The following ADCY1 variants were observed in gnomAD, a reference collection of about 807,000 sequenced individuals.
ADCY1 encodes the protein adenylate cyclase 1, also known as adenylate cyclase type 1.
A neutral mutation model predicts 105.4 loss-of-function variants in ADCY1; 28 were observed. The observed-to-expected ratio is 0.27, with a 90% confidence interval of 0.20 to 0.36. ADCY1 has a LOEUF of 0.36. Ranked by LOEUF, ADCY1 falls within the 10% of genes least tolerant of loss-of-function variation. The pLI is 1.00. For synonymous variants in ADCY1, 655 were observed against 623.8 expected, an observed-to-expected ratio of 1.05 and a Z score of -0.75; for missense variants, 977 against 1,434.2, an observed-to-expected ratio of 0.68 and a Z score of 5.15.
At chr7:45,662,503 T>C (rs1238039482) in intron 8 of ADCY1, among the ~76,000 whole-genome samples, 1 of 152,210 alleles carries the variant, frequency 6.6e-6, no homozygotes, top group Non-Finnish European at 1.5e-5. Flanking sequence ...CTAAATGGCC[T>C]CTGAGGGTAT....
At chr7:45,602,011 G>A (rs1793252693) in intron 2 of ADCY1, among the ~76,000 whole-genome samples, 1 of 152,108 alleles carries the variant, frequency 6.6e-6, no homozygotes, top group Non-Finnish European at 1.5e-5. Context: ...TGACTGAACC[G>A]AATAGGGACG....
At chr7:45,630,678 T>C (rs943899436) in intron 4 of ADCY1, among the ~76,000 whole-genome samples, 1 of 152,218 alleles carries the variant, frequency 6.6e-6, no homozygotes, top group Non-Finnish European at 1.5e-5. Flanking sequence ...TTTCCCTTTT[T>C]CTGTATGTGT....
Position 45,703,508 on chromosome 7 carries a change from G to T in ADCY1, c.2571+16G>T, listed in dbSNP as rs1785041074. ...TCGGAACATGGTGAGCACCCAGCCT[G>T]CTCCTGGCCAGCACTAGCCCTACAC... On this transcript the variant is annotated intron_variant, in intron 15 of 19. Coordinates refer to ENST00000297323, the MANE Select transcript of ADCY1 (RefSeq NM_021116.4). The surrounding 1 kb of genome is among the most constrained non-coding windows in gnomAD (Gnocchi z 5.9). The T allele has an allele frequency of 6.2e-7, 1 of 1,613,872 alleles. No homozygotes were observed. The highest frequency in any genetic ancestry group is 1.1e-5 in the South Asian group (1 of 91,072).
intron 1 of ADCY1, among the ~76,000 whole-genome samples, chr7:45,584,220 A>T (rs960600295): frequency 5.3e-5 from 8 of 152,152 alleles, no homozygotes; most frequent in African/African-American, 1.7e-4. Context: ...CTGGGATTAC[A>T]GATGTGAGCC....
Position 45,660,081 on chromosome 7 carries a change from TGGG to T in ADCY1, c.1349_1351del (p.Gly450del). On this transcript the variant is annotated inframe_deletion, in exon 7 of 20. Transcript: ENST00000297323. ...CAAAGACGACCCTAGCGTGCTTGAA[TGGG>T]GACTACGAGGTAGAACCGGGTTACG... 1.9e-6 allele frequency: 3 copies of T among 1,614,210 alleles called. No individual in the cohort carries two copies. Among genetic ancestry groups the T allele is most frequent in the Non-Finnish European group, 2.5e-6 (3 of 1,180,032 alleles).
In ADCY1 at chr7:45,704,530, G is replaced by A. The variant is rs775517988; in HGVS notation, c.2731G>A (p.Asp911Asn). 2 of 1,614,080 alleles carry A rather than the reference G, an allele frequency of 1.2e-6. No homozygotes were observed. The highest frequency in any genetic ancestry group is 2.2e-5 in the South Asian group (2 of 91,056). Residue 911 changes from aspartate (D) to asparagine (N), a missense_variant, in exon 17 of 20, where the codon GAC becomes AAC. This residue lies in a region of ADCY1 where 152 missense variants were observed against 293.7 expected (regional missense o/e 0.52). Coordinates refer to ENST00000297323, the MANE Select transcript of ADCY1 (RefSeq NM_021116.4). ...IADFDELMEK[D>N]FYKDIEKIKT... Reference sequence around the variant, plus strand: ...GTTTTAAACAAAGCTCATGGAAAAAGACTTTTACAAGGACATAGAGAAGAT... The same window carrying A: ...GTTTTAAACAAAGCTCATGGAAAAAAACTTTTACAAGGACATAGAGAAGAT...
chr7:45,606,427 C>G (rs1011505772), intron 2 of ADCY1, among the ~76,000 whole-genome samples: 2 of 152,200 alleles, frequency 1.3e-5, no homozygotes, highest in Non-Finnish European at 2.9e-5. Context: ...GGGCCTTTGG[C>G]TGAAGAGAGC....
chr7:45,705,925 A>AT (rs1785109110), intron 17 of ADCY1, among the ~76,000 whole-genome samples: 1 of 152,240 alleles, frequency 6.6e-6, no homozygotes, highest in Non-Finnish European at 1.5e-5. Flanking sequence ...AACAATTGGA[A>AT]TTTGCAATTA....
intron 1 of ADCY1, among the ~76,000 whole-genome samples, chr7:45,584,947 AG>A (rs1159451623): frequency 1.3e-5 from 2 of 152,236 alleles, no homozygotes; most frequent in East Asian, 3.9e-4. Flanking sequence ...GAGTCAGGGC[AG>A]CCTGTTCTGG....
intron 6 of ADCY1, among the ~76,000 whole-genome samples, chr7:45,659,686 C>T (rs1158449040): frequency 6.6e-6 from 1 of 152,188 alleles, no homozygotes; most frequent in African/African-American, 2.4e-5. Context: ...TCCCATGTCT[C>T]CTCTCCTCTT....
At position 45,703,347 on chromosome 7, in the gene ADCY1, G is replaced by A. The variant is rs1215396656; in HGVS notation, c.2455-29G>A. 1 of 1,603,444 alleles carries A rather than the reference G, an allele frequency of 6.2e-7. No individual in the cohort carries two copies. The highest frequency in any genetic ancestry group is 8.5e-7 in the Non-Finnish European group (1 of 1,170,712). On this transcript the variant is annotated intron_variant, in intron 14 of 19. Transcript: ENST00000297323. The surrounding 1 kb of genome is among the most constrained non-coding windows in gnomAD (Gnocchi z 5.9). The stretch of plus-strand genomic sequence containing the variant: ...ACAAGTGAAGGCAGCGTGAGTGGAT[G>A]GGACTAATGGAGGCTCATGATACCC...
chr7:45,701,816 C>T (rs777758481), intron 14 of ADCY1, among the ~76,000 whole-genome samples: 8 of 152,336 alleles, frequency 5.3e-5, no homozygotes, highest in Admixed American at 2.6e-4. Context: ...ACAGCCGCTG[C>T]GTGGGCAGAG....
intron 1 of ADCY1, among the ~76,000 whole-genome samples, chr7:45,581,859 A>T (rs1792556228): frequency 6.6e-6 from 1 of 152,104 alleles, no homozygotes; most frequent in South Asian, 2.1e-4. Flanking sequence ...ACACACATAC[A>T]TGCACATACC....
intron 5 of ADCY1, among the ~76,000 whole-genome samples, chr7:45,653,729 A>G (rs74624043): frequency 0.028 from 4,324 of 152,224 alleles, 84 homozygotes; most frequent in African/African-American, 0.046. Flanking sequence ...GTGCTCACCC[A>G]CCTTCTTCTG....
chr7:45,664,154 TG>T, intron 8 of ADCY1: 1 of 752,694 alleles, frequency 1.3e-6, no homozygotes, highest in Non-Finnish European at 2.2e-6. Context: ...ATATTGAGGG[TG>T]GGGCGTTCCT....
rs1785341899 is a variant in ADCY1, at chr7:45,715,421, T to A, written c.*1426T>A. On this transcript the variant is annotated 3_prime_UTR_variant, in exon 20 of 20. Coordinates refer to ENST00000297323, the MANE Select transcript of ADCY1 (RefSeq NM_021116.4). ...TGCCTATGCTCAAAGCCAGCAGGGT[T>A]GGGGGTCCGCCTCCTCACTGCTCCT... The A allele has an allele frequency of 6.6e-6, 1 of 152,376 alleles. No homozygotes were observed. The highest frequency in any genetic ancestry group is 1.5e-5 in the Non-Finnish European group (1 of 68,194). The allele number at this position is 152,376 out of a possible 1,614,324, so 9.4% of individuals were successfully genotyped here.
chr7:45,575,182 G>C lies in ADCY1; in HGVS notation c.639G>C (p.Thr213=), dbSNP rs1445818491. ...VPAKRPRLWR[T]LGANALLFVG... is the part of the protein sequence containing the mutation. ...CCAAGCGCCCACGTCTCTGGAGGAC[G>C]GTAAGTGCAGCCGCGCACCCCTCAT... The change falls in exon 1 of 20, where the codon ACG becomes ACC. Residue 213 remains threonine, a splice_region_variant and synonymous_variant. Coordinates refer to ENST00000297323, the MANE Select transcript of ADCY1 (RefSeq NM_021116.4). The surrounding 1 kb of genome is among the most constrained non-coding windows in gnomAD (Gnocchi z 4.7). 1.3e-6 allele frequency: 2 copies of C among 1,595,324 alleles called. No individual in the cohort carries two copies. The highest frequency in any genetic ancestry group is 1.7e-6 in the Non-Finnish European group (2 of 1,171,026).
chr7:45,664,497 G>C (rs776962993), intron 8 of ADCY1: 11 of 1,421,984 alleles, frequency 7.7e-6, no homozygotes, highest in Admixed American at 2.5e-5. Context: ...TCTCCTGATC[G>C]TAAACATAAT....
chr7:45,712,475 C>G (rs1308376496), intron 19 of ADCY1, among the ~76,000 whole-genome samples: 1 of 152,042 alleles, frequency 6.6e-6, no homozygotes, highest in African/African-American at 2.4e-5. Context: ...ACAGACTGTT[C>G]ACTGGTGGCC....
Sources: allele counts gnomAD v4.1 joint callset (sites outside exome capture counted in the v4.1 genomes callset), GRCh38; gene constraint gnomAD v4.1.1; regional missense constraint gnomAD v4.1.1; non-coding constraint Gnocchi (gnomAD v3.1); transcripts MANE v1.5; gene names NCBI Gene and HGNC (gene_info 2026-07-23, HGNC 2026-07-21).